Variants in KIF1B observed in about 807,000 individuals in gnomAD.
KIF1B encodes the protein kinesin-like protein KIF1B.
In KIF1B, 76 loss-of-function variants were observed where a neutral mutation model predicts 241.9. That is an observed-to-expected ratio of 0.31 (90% CI 0.26 to 0.38). KIF1B has a LOEUF of 0.38. Among genes scored for constraint, KIF1B ranks in the 10% least tolerant of loss-of-function variants. The pLI, the probability that KIF1B is intolerant of heterozygous loss-of-function variation, is 1.00. For missense variants in KIF1B, 1,622 were observed against 2,271.4 expected, an observed-to-expected ratio of 0.71 and a Z score of 5.81; for synonymous variants, 750 against 796.7, an observed-to-expected ratio of 0.94 and a Z score of 0.99.
intron 4 of KIF1B, among the ~76,000 whole-genome samples, chr1:10,260,651 G>C (rs1173061058): frequency 3.3e-5 from 5 of 151,890 alleles, no homozygotes; most frequent in Non-Finnish European, 7.4e-5. Flanking sequence ...GATCACTGGA[G>C]GTCAGGAGTT....
intron 1 of KIF1B, among the ~76,000 whole-genome samples, chr1:10,226,829 G>A (rs771980631): frequency 5.9e-4 from 90 of 151,926 alleles, no homozygotes; most frequent in Non-Finnish European, 9.1e-4. Flanking sequence ...CTAGCCAGGC[G>A]TGGTGGCGTG....
At chr1:10,310,309 A>G (rs1651012599) in intron 22 of KIF1B, among the ~76,000 whole-genome samples, 4 of 151,602 alleles carry the variant, frequency 2.6e-5, no homozygotes, top group Admixed American at 1.3e-4. Context: ...TGCATACCTC[A>G]TAAATTCCCA....
At chr1:10,318,459 C>T (rs943213121) in intron 22 of KIF1B, among the ~76,000 whole-genome samples, 6 of 151,516 alleles carry the variant, frequency 4.0e-5, no homozygotes, top group African/African-American at 7.3e-5. Flanking sequence ...CGGTGGCTCA[C>T]GCCTGTAATC....
At chr1:10,305,143 G>A (rs772830466) in intron 22 of KIF1B, 58 of 1,051,544 alleles carry the variant, frequency 5.5e-5, no homozygotes, top group East Asian at 1.7e-4. Flanking sequence ...TCTCATCCAC[G>A]TCTGTTCCCT....
chr1:10,364,722 C>T (rs902557805), intron 41 of KIF1B, among the ~76,000 whole-genome samples: 5 of 151,984 alleles, frequency 3.3e-5, no homozygotes, highest in South Asian at 2.1e-4. Flanking sequence ...ATTATTAATT[C>T]GTGGCCAGGC....
chr1:10,267,422 C>T lies in KIF1B; in HGVS notation c.472C>T (p.Leu158=). Residue 158 remains leucine, a synonymous_variant, in exon 6 of 49, where the codon CTG becomes TTG. Transcript: ENST00000676179. Reference sequence around the variant, plus strand: ...TTACTGTGAAAGAGTACGAGATTTGCTGAATCCAAAAAACAAGGGTAATTT... The same window carrying T: ...TTACTGTGAAAGAGTACGAGATTTGTTGAATCCAAAAAACAAGGGTAATTT... ...EIYCERVRDL[L]NPKNKGNLRV... is the part of the protein sequence containing the mutation. 1 of 1,614,158 alleles carries T rather than the reference C, an allele frequency of 6.2e-7. No individual in the cohort carries two copies. Among genetic ancestry groups the T allele is most frequent in the Non-Finnish European group, 8.5e-7 (1 of 1,180,006 alleles).
In KIF1B at chr1:10,291,143, A is replaced by T. The variant is rs1649976270; in HGVS notation, c.1496A>T (p.Glu499Val). ...TGGGAAGAGAAGCTTCGTAAAACAG[A>T]GGCCATCAGAATGGAGAGGTCAGGA... ...ETWEEKLRKTEAIRMEREALL... is the reference protein window; with the variant it reads ...ETWEEKLRKTVAIRMEREALL... Residue 499 changes from glutamate (E) to valine (V), a missense_variant, in exon 16 of 49, where the codon GAG (glutamate) becomes GTG (valine). Glu to Val is a moderately radical substitution (Grantham distance 121). Around this residue, in one of 7 missense-constraint regions of KIF1B, gnomAD observed 57 missense variants for 149.0 expected, o/e 0.38. Coordinates refer to ENST00000676179, the MANE Select transcript of KIF1B (RefSeq NM_001365951.3). 9 of 1,612,370 alleles carry T rather than the reference A, an allele frequency of 5.6e-6. No homozygotes were observed. Among genetic ancestry groups the T allele is most frequent in the Non-Finnish European group, 7.6e-6 (9 of 1,178,716 alleles).
At chr1:10,356,917 A>C (rs960620739) in intron 38 of KIF1B, among the ~76,000 whole-genome samples, 3 of 151,758 alleles carry the variant, frequency 2.0e-5, no homozygotes, top group Non-Finnish European at 2.9e-5. Context: ...TAAATAAATA[A>C]ATAAATAAAT....
chr1:10,375,393 T>C lies in KIF1B; in HGVS notation c.5408+20T>C, dbSNP rs763639784. 3.1e-6 allele frequency: 5 copies of C among 1,595,420 alleles called. No individual in the cohort carries two copies. Among genetic ancestry groups the C allele is most frequent in the East Asian group, 2.2e-5 (1 of 44,828 alleles). ...AATACGGTAAGAAGTTTTGTTGTTG[T>C]TGTTGTTGTTTTTGAGACGGAGTCT... On this transcript the variant is annotated intron_variant, in intron 48 of 48. Coordinates refer to ENST00000676179, the MANE Select transcript of KIF1B (RefSeq NM_001365951.3).
At chr1:10,304,797 A>G (rs1650745043) in intron 22 of KIF1B, 3 of 1,502,478 alleles carry the variant, frequency 2.0e-6, no homozygotes, top group Non-Finnish European at 2.7e-6. Context: ...AACACTGGTA[A>G]AAGTTTCAAC....
At position 10,276,324 on chromosome 1, in the gene KIF1B, G is replaced by A. The variant is rs868550273; in HGVS notation, c.962G>A (p.Gly321Asp). The change falls in exon 12 of 49, where the codon GGC (glycine) becomes GAC (aspartate). Residue 321 changes from glycine to aspartate, a missense_variant. Coordinates refer to ENST00000676179, the MANE Select transcript of KIF1B (RefSeq NM_001365951.3). The part of the protein sequence containing the change: ...LTWLLRENLG[G>D]NSRTAMVAAL... Reference sequence around the variant, plus strand: ...TACTCATGATTAATCTTTTTAGGTGGCAATTCTCGGACTGCAATGGTTGCT... The same window carrying A: ...TACTCATGATTAATCTTTTTAGGTGACAATTCTCGGACTGCAATGGTTGCT... 1 of 1,612,268 alleles carries A rather than the reference G, an allele frequency of 6.2e-7. No homozygotes were observed. The highest frequency in any genetic ancestry group is 8.5e-7 in the Non-Finnish European group (1 of 1,178,478).
rs1649119098 is a variant in KIF1B, at chr1:10,276,548, G to A, written c.1037+149G>A. The A allele has an allele frequency of 4.4e-6, 3 of 684,634 alleles. No individual in the cohort carries two copies. In the Admixed American group the frequency reaches 6.7e-5, roughly 15 times the overall value. 42.4% of individuals were successfully genotyped at this position (684,634 alleles called of 1,614,324 possible). A position where few individuals can be genotyped will look rare whatever the true frequency, so the allele number is the denominator to read the frequency against. Reference sequence around the variant, plus strand: ...ATAACAGGGAAAACTTAGGGAAAAAGTGATTTGTATTATAATAGAATTTAC... The same window carrying A: ...ATAACAGGGAAAACTTAGGGAAAAAATGATTTGTATTATAATAGAATTTAC... On this transcript the variant is annotated intron_variant, in intron 12 of 48. Coordinates refer to ENST00000676179, the MANE Select transcript of KIF1B (RefSeq NM_001365951.3).
intron 10 of KIF1B, among the ~76,000 whole-genome samples, chr1:10,274,608 A>G (rs1462814953): frequency 6.6e-6 from 1 of 152,172 alleles, no homozygotes; most frequent in Admixed American, 6.5e-5. Flanking sequence ...CAACCCAACC[A>G]ATGACATGGT....
intron 22 of KIF1B, among the ~76,000 whole-genome samples, chr1:10,315,788 G>C (rs912710817): frequency 6.6e-6 from 1 of 151,296 alleles, no homozygotes; most frequent in Non-Finnish European, 1.5e-5. Context: ...GGGTGCAGTG[G>C]CTCACGCCTC....
intron 15 of KIF1B, among the ~76,000 whole-genome samples, chr1:10,289,859 G>A (rs1294939770): frequency 1.3e-5 from 2 of 152,106 alleles, no homozygotes; most frequent in East Asian, 1.9e-4. Context: ...ACGCTAGCCT[G>A]GATGACAGAA....
intron 45 of KIF1B, 141 bp downstream of exon 45, chr1:10,371,403 T>A: frequency 2.1e-6 from 2 of 973,620 alleles, no homozygotes; most frequent in Non-Finnish European, 3.2e-6. Flanking sequence ...CCTTTTTGGC[T>A]ATCACAGTGA....
intron 32 of KIF1B, among the ~76,000 whole-genome samples, chr1:10,341,112 C>T (rs889283526): frequency 1.3e-5 from 2 of 152,158 alleles, no homozygotes; most frequent in African/African-American, 4.8e-5. Flanking sequence ...TCAGATGCTC[C>T]CAGTGAGCTT....
rs1436303363 is a variant in KIF1B, at chr1:10,381,087, C to T, written c.*4500C>T. 1 of 222,844 alleles carries T rather than the reference C, an allele frequency of 4.5e-6. No homozygotes were observed. The highest frequency in any genetic ancestry group is 9.0e-6 in the Non-Finnish European group (1 of 111,566). 13.8% of individuals were successfully genotyped at this position (222,844 alleles called of 1,614,324 possible). A position where few individuals can be genotyped will look rare whatever the true frequency, so the allele number is the denominator to read the frequency against. On this transcript the variant is annotated 3_prime_UTR_variant, in exon 49 of 49. Transcript: ENST00000676179. ...GAGCTGAGGTTGGTCTCTTGCCAAA[C>T]CGTGGCTGTTGTGTGTTGTTCTTCA...
intron 1 of KIF1B, chr1:10,211,728 G>C (rs1183255254): frequency 2.7e-5 from 4 of 150,900 alleles, no homozygotes; most frequent in Non-Finnish European, 4.4e-5. Flanking sequence ...ATTGCTAAAT[G>C]AGCTTCCAAG....
Sources: allele counts gnomAD v4.1 joint callset (sites outside exome capture counted in the v4.1 genomes callset), GRCh38; gene constraint gnomAD v4.1.1; regional missense constraint gnomAD v4.1.1; transcripts MANE v1.5; gene names NCBI Gene and HGNC (gene_info 2026-07-23, HGNC 2026-07-21).